KCNQ1: variants seen among roughly 807,000 people sequenced by gnomAD.
The protein encoded by KCNQ1 is potassium voltage-gated channel subfamily KQT member 1.
KCNQ1 carries 49 observed loss-of-function variants against 72.4 expected under a neutral mutation model. The ratio of observed to expected loss-of-function variants is 0.68; its 90% CI spans 0.54 to 0.86. The LOEUF is 0.86. Among genes scored for constraint, KCNQ1 ranks in the 40% least tolerant of loss-of-function variants. KCNQ1 has a pLI of 0.00. For synonymous variants in KCNQ1, 450 were observed against 412.6 expected, an observed-to-expected ratio of 1.09 and a Z score of -1.10; for missense variants, 790 against 945.1, an observed-to-expected ratio of 0.84 and a Z score of 2.15.
chr11:2,588,590 T>TA lies in KCNQ1; in HGVS notation c.1252-123_1252-122insA, dbSNP rs1445655548. Reference sequence around the variant, plus strand: ...ACTGGAGCTGGCCCCAGGCCTCAGGTCCCTGTCCGGGTGTATGTGGCGGGG... The same window carrying TA: ...ACTGGAGCTGGCCCCAGGCCTCAGGTACCCTGTCCGGGTGTATGTGGCGGGG... On this transcript the variant is annotated intron_variant, in intron 9 of 15. Transcript: ENST00000155840. The surrounding 1 kb of genome is among the most constrained non-coding windows in gnomAD (Gnocchi z 5.6). The TA allele has an allele frequency of 3.3e-6, 4 of 1,217,866 alleles. No individual in the cohort carries two copies. Among genetic ancestry groups the TA allele is most frequent in the Admixed American group, 1.8e-5 (1 of 55,210 alleles). 75.4% of individuals were successfully genotyped at this position (1,217,866 alleles called of 1,614,324 possible).
rs1686088329 is a variant in KCNQ1, at chr11:2,612,319, A to C, written c.1393+23465A>C. The C allele has an allele frequency of 7.5e-6, 3 of 398,550 alleles. No individual in the cohort carries two copies. In the Admixed American group the frequency reaches 1.3e-4, roughly 18 times the overall value. 24.7% of individuals were successfully genotyped at this position (398,550 alleles called of 1,614,324 possible). ...GCACTCCGTATGAGAATCTAACTAAAGCCTCCCCCAACTGGCTGTGGAAAA... is the reference window on the plus strand; with the variant it reads ...GCACTCCGTATGAGAATCTAACTAACGCCTCCCCCAACTGGCTGTGGAAAA... On this transcript the variant is annotated intron_variant, in intron 10 of 15. Coordinates refer to ENST00000155840, the MANE Select transcript of KCNQ1 (RefSeq NM_000218.3). This position sits in a 1 kb window ranked among gnomAD's most constrained non-coding sequence, Gnocchi z 5.5.
intron 15 of KCNQ1, among the ~76,000 whole-genome samples, chr11:2,838,591 T>C (rs1472122354): frequency 6.6e-6 from 1 of 152,058 alleles, no homozygotes; most frequent in East Asian, 1.9e-4. Flanking sequence ...TCCTAGGGGC[T>C]GGTGCGCTCA....
rs1259644748 is a variant in KCNQ1 at position 2,752,437 on chromosome 11, T to C, written c.1515-16407T>C. On this transcript the variant is annotated intron_variant, in intron 11 of 15. Coordinates refer to ENST00000155840, the MANE Select transcript of KCNQ1 (RefSeq NM_000218.3). The surrounding 1 kb of genome is among the most constrained non-coding windows in gnomAD (Gnocchi z 5.2). The stretch of plus-strand genomic sequence containing the variant: ...GGGTCCGATGGGATACCTAGTGTCT[T>C]AATCTGTTCAGTCTGCTATAACCAA... Among the ~76,000 whole-genome samples, 1 of 152,128 alleles carries C rather than the reference T, an allele frequency of 6.6e-6. No individual in the cohort carries two copies. The highest frequency in any genetic ancestry group is 1.5e-5 in the Non-Finnish European group (1 of 68,022).
At chr11:2,675,393 T>G (rs1366591682) in intron 11 of KCNQ1, 1 of 398,502 alleles carries the variant, frequency 2.5e-6, no homozygotes, top group Non-Finnish European at 4.4e-6. Flanking sequence ...AACACAGATA[T>G]TGGGCAAATT....
Position 2,458,485 on chromosome 11 carries a change from G to A in KCNQ1, c.386+13001G>A, listed in dbSNP as rs1183043774. Among the ~76,000 whole-genome samples the A allele has an allele frequency of 2.6e-5, 4 of 152,260 alleles. No homozygotes were observed. Among genetic ancestry groups the A allele is most frequent in the Non-Finnish European group, 5.9e-5 (4 of 68,054 alleles). ...TTTGGGACTCCCGCAGATGCCTGAG[G>A]CGGCAGTGCTGCTGAAGTCCTGCCA... On this transcript the variant is annotated intron_variant, in intron 1 of 15. Transcript: ENST00000155840. This position sits in a 1 kb window ranked among gnomAD's most constrained non-coding sequence, Gnocchi z 4.6.
chr11:2,580,047 A>G (rs1848476553), intron 6 of KCNQ1, among the ~76,000 whole-genome samples: 1 of 152,260 alleles, frequency 6.6e-6, no homozygotes, highest in African/African-American at 2.4e-5. Context: ...ATGCTTTTAA[A>G]ATATATTAAA....
chr11:2,797,892 G>A (rs1248520466), intron 15 of KCNQ1, among the ~76,000 whole-genome samples: 4 of 152,170 alleles, frequency 2.6e-5, no homozygotes, highest in Admixed American at 2.0e-4. Flanking sequence ...CACCTGCCCT[G>A]CGTACTGTGC....
intron 11 of KCNQ1, chr11:2,662,401 A>C (rs1849977483): frequency 2.0e-6 from 1 of 500,568 alleles, no homozygotes. Flanking sequence ...CCCCCCAAAA[A>C]AGAGACGACT....
At chr11:2,802,884 C>T (rs1847296568) in intron 15 of KCNQ1, among the ~76,000 whole-genome samples, 1 of 152,230 alleles carries the variant, frequency 6.6e-6, no homozygotes, top group South Asian at 2.1e-4. Flanking sequence ...CCAGAAGCCC[C>T]CAGCCCCAGC....
chr11:2,479,548 G>A lies in KCNQ1; in HGVS notation c.386+34064G>A, dbSNP rs975381408. Among the ~76,000 whole-genome samples, 3 of 152,216 alleles carry A rather than the reference G, an allele frequency of 2.0e-5. No individual in the cohort carries two copies. The highest frequency in any genetic ancestry group is 4.4e-5 in the Non-Finnish European group (3 of 68,044). On this transcript the variant is annotated intron_variant, in intron 1 of 15. Transcript: ENST00000155840. This position sits in a 1 kb window ranked among gnomAD's most constrained non-coding sequence, Gnocchi z 4.6. ...ACACCTTTTAGCTATGGCTAGAGCGGCTGGGACACAGGGCACCAAGTCCCT... is the reference window on the plus strand; with the variant it reads ...ACACCTTTTAGCTATGGCTAGAGCGACTGGGACACAGGGCACCAAGTCCCT...
chr11:2,700,446 G>A (rs545699408), intron 11 of KCNQ1, among the ~76,000 whole-genome samples: 1 of 152,276 alleles, frequency 6.6e-6, no homozygotes, highest in Non-Finnish European at 1.5e-5. Flanking sequence ...GTGGAGGCCT[G>A]TGGGCGTCCA....
intron 2 of KCNQ1, 149 bp from the exon 3 acceptor site, chr11:2,570,479 C>A: frequency 9.9e-7 from 1 of 1,007,050 alleles, no homozygotes; most frequent in Non-Finnish European, 1.5e-6. Context: ...CAGGCATCAC[C>A]ATCCGCAGCA....
Position 2,735,784 on chromosome 11 carries a change from C to A in KCNQ1, c.1515-33060C>A, listed in dbSNP as rs12049890. Among the ~76,000 whole-genome samples the A allele has an allele frequency of 6.6e-6, 1 of 152,284 alleles. No homozygotes were observed. The highest frequency in any genetic ancestry group is 6.5e-5 in the Admixed American group (1 of 15,304). On this transcript the variant is annotated intron_variant, in intron 11 of 15. Coordinates refer to ENST00000155840, the MANE Select transcript of KCNQ1 (RefSeq NM_000218.3). This position sits in a 1 kb window ranked among gnomAD's most constrained non-coding sequence, Gnocchi z 7.7. ...TGTAGACATCACCTTCCCCGGTGTT[C>A]TCATGGGGCCATCCCTCTGTGTGTG...
chr11:2,675,591 C>T (rs1252042240), intron 11 of KCNQ1: 2 of 398,520 alleles, frequency 5.0e-6, no homozygotes, highest in Non-Finnish European at 8.8e-6. Flanking sequence ...CCTAGGAGAT[C>T]CCAATTGCTC....
At chr11:2,452,471 TGA>T (rs990219974) in intron 1 of KCNQ1, among the ~76,000 whole-genome samples, 1 of 152,096 alleles carries the variant, frequency 6.6e-6, no homozygotes, top group Non-Finnish European at 1.5e-5. Flanking sequence ...GAGCTCTGAC[TGA>T]GAGGGGTAGA....
chr11:2,708,751 CCCAGGCCAATGG>C (rs1214646234), intron 11 of KCNQ1, among the ~76,000 whole-genome samples: 1 of 152,138 alleles, frequency 6.6e-6, no homozygotes, highest in East Asian at 1.9e-4. Flanking sequence ...CTGTTCTCTC[CCCAGGCCAATGG>C]CCAGGGCTAA....
rs1451530223 is a variant in KCNQ1, at chr11:2,518,978, C to T, written c.387-8950C>T. On this transcript the variant is annotated intron_variant, in intron 1 of 15. Coordinates refer to ENST00000155840, the MANE Select transcript of KCNQ1 (RefSeq NM_000218.3). Reference sequence around the variant, plus strand: ...TGAAGCGGGTGTGGGATCACATCCACGCTCCTTCTGTGGTTTGTGCCCTGT... The same window carrying T: ...TGAAGCGGGTGTGGGATCACATCCATGCTCCTTCTGTGGTTTGTGCCCTGT... Among the ~76,000 whole-genome samples the T allele has an allele frequency of 3.9e-5, 6 of 152,146 alleles. No homozygotes were observed. The East Asian group carries it at 5.8e-4, about 15-fold the overall frequency.
rs1175257103 is a variant in KCNQ1 at position 2,783,999 on chromosome 11, T to C, written c.1794+5962T>C. Among the ~76,000 whole-genome samples the C allele has an allele frequency of 6.6e-6, 1 of 152,050 alleles. No homozygotes were observed. Among genetic ancestry groups the C allele is most frequent in the Admixed American group, 6.5e-5 (1 of 15,276 alleles). ...AAATCACAAAAGTTTTTAATTTTAATGAAGTCCAATTTGTCTTTTCTTATA... is the reference window on the plus strand; with the variant it reads ...AAATCACAAAAGTTTTTAATTTTAACGAAGTCCAATTTGTCTTTTCTTATA... On this transcript the variant is annotated intron_variant, in intron 15 of 15. Coordinates refer to ENST00000155840, the MANE Select transcript of KCNQ1 (RefSeq NM_000218.3). The surrounding 1 kb of genome is among the most constrained non-coding windows in gnomAD (Gnocchi z 5.2).
chr11:2,652,537 A>T lies in KCNQ1; in HGVS notation c.1394-9424A>T. The T allele has an allele frequency of 2.5e-6, 1 of 398,574 alleles. No homozygotes were observed. The highest frequency in any genetic ancestry group is 4.4e-6 in the Non-Finnish European group (1 of 226,060). The allele number at this position is 398,574 out of a possible 1,614,324, so 24.7% of individuals were successfully genotyped here. ...TGTGAGCTCAACTCTTGGAGAAGAT[A>T]GTGCTTAACCCAGATTCCATTGTAT... is the stretch of plus-strand genomic sequence containing the variant. On this transcript the variant is annotated intron_variant, in intron 10 of 15. Transcript: ENST00000155840. This position sits in a 1 kb window ranked among gnomAD's most constrained non-coding sequence, Gnocchi z 5.9.
Sources: gnomAD v4.1 joint callset for allele counts (sites outside exome capture counted in the v4.1 genomes callset) on GRCh38, gnomAD v4.1.1 for gene constraint, Gnocchi (gnomAD v3.1) non-coding constraint, MANE v1.5 for transcripts, NCBI Gene and HGNC (gene_info 2026-07-23, HGNC 2026-07-21) for gene names.